IGFN1: variants seen among roughly 807,000 people sequenced by gnomAD.
IGFN1 encodes immunoglobulin-like and fibronectin type III domain-containing protein 1.
A neutral mutation model predicts 289.5 loss-of-function variants in IGFN1; 253 were observed. That is an observed-to-expected ratio of 0.87 (90% CI 0.79 to 0.97). The LOEUF is 0.97. Ranked by LOEUF, IGFN1 falls within the 50% of genes least tolerant of loss-of-function variation. IGFN1 has a pLI of 0.00. For missense variants in IGFN1, 4,470 were observed against 4,686.1 expected (o/e 0.95, Z 1.35); for synonymous variants, 1,706 against 1,788.5 (o/e 0.95, Z 1.16).
At chr1:201,217,558 C>A in intron 17 of IGFN1, 98 bp downstream of exon 17, 2 of 1,303,792 alleles carry the variant, frequency 1.5e-6, no homozygotes, top group Non-Finnish European at 2.1e-6. Flanking sequence ...CAGTCGTTCT[C>A]GTCTAGGGTG....
chr1:201,194,136 C>T lies in IGFN1; in HGVS notation c.8-18C>T, dbSNP rs1220558810. 20 of 1,550,888 alleles carry T rather than the reference C, an allele frequency of 1.3e-5. No individual in the cohort carries two copies. Among genetic ancestry groups the T allele is most frequent in the South Asian group, 1.2e-5 (1 of 83,984 alleles). On this transcript the variant is annotated intron_variant, in intron 2 of 23. Coordinates refer to ENST00000335211, the MANE Select transcript of IGFN1 (RefSeq NM_001164586.2). The stretch of plus-strand genomic sequence containing the variant: ...AGAAGGTGGAAGGCCCCATCTCCTT[C>T]CCTCCTGCATTCTCCAGGAAAGCTC...
In IGFN1 at chr1:201,206,357, G is replaced by A; in HGVS notation, c.1464G>A (p.Glu488=). The change falls in exon 12 of 24, where the codon GAG becomes GAA. Residue 488 remains glutamate (E), a synonymous_variant. Coordinates refer to ENST00000335211, the MANE Select transcript of IGFN1 (RefSeq NM_001164586.2). ...TADSAWGPGQ[E]GEGFPVAEGS... is the part of the protein sequence containing the mutation. Reference sequence around the variant, plus strand: ...ACTCAGCCTGGGGCCCTGGACAGGAGGGCGAGGGCTTTCCAGTAGCAGAGG... The same window carrying A: ...ACTCAGCCTGGGGCCCTGGACAGGAAGGCGAGGGCTTTCCAGTAGCAGAGG... 2 of 1,550,516 alleles carry A rather than the reference G, an allele frequency of 1.3e-6. No homozygotes were observed. Among genetic ancestry groups the A allele is most frequent in the East Asian group, 4.9e-5 (2 of 40,924 alleles).
At chr1:201,218,147 G>C (rs1257977099) in intron 17 of IGFN1, among the ~76,000 whole-genome samples, 2 of 152,232 alleles carry the variant, frequency 1.3e-5, no homozygotes, top group Non-Finnish European at 2.9e-5. Flanking sequence ...TGCTACTTAG[G>C]AGCTGAGGCC....
Position 201,212,612 on chromosome 1 carries a change from A to G in IGFN1, c.7719A>G (p.Ala2573=). The G allele has an allele frequency of 6.5e-7, 1 of 1,544,960 alleles. No individual in the cohort carries two copies. The highest frequency in any genetic ancestry group is 1.2e-5 in the South Asian group (1 of 83,004). The stretch of plus-strand genomic sequence containing the variant: ...GAGTTGCTGGCCAGGGGGGGTTGGC[A>G]TCTCAGGGAGGTGGGGACTCACTTT... The part of the protein sequence containing the change: ...RGRVAGQGGL[A]SQGGGDSLLG... The change falls in exon 12 of 24, where the codon GCA becomes GCG. Residue 2573 remains alanine, a synonymous_variant. Coordinates refer to ENST00000335211, the MANE Select transcript of IGFN1 (RefSeq NM_001164586.2).
At chr1:201,193,072 G>A (rs1306117244) in intron 1 of IGFN1, among the ~76,000 whole-genome samples, 175 bp from the exon 2 acceptor site, 1 of 152,128 alleles carries the variant, frequency 6.6e-6, no homozygotes, top group Non-Finnish European at 1.5e-5. Flanking sequence ...TGGTTTTGCT[G>A]GGGACAGGGA....
intron 15 of IGFN1, 73 bp from the exon 16 acceptor site, chr1:201,216,381 T>C: frequency 3.3e-6 from 4 of 1,209,654 alleles, no homozygotes; most frequent in Non-Finnish European, 2.2e-6. Context: ...GGCGGGGAGT[T>C]GGGGGGGTTG....
chr1:201,205,450 C>A, intron 11 of IGFN1, 96 bp downstream of exon 11: 4 of 1,318,450 alleles, frequency 3.0e-6, no homozygotes, highest in South Asian at 3.1e-5. Context: ...TTCCTTTGGT[C>A]AGAGAGAATA....
intron 12 of IGFN1, 81 bp from the exon 13 acceptor site, chr1:201,214,096 G>T (rs1449783710): frequency 1.4e-6 from 2 of 1,419,778 alleles, no homozygotes; most frequent in South Asian, 2.9e-5. Context: ...CAGTTGGCAG[G>T]ACCATGGTGG....
chr1:201,202,726 TC>T (rs1558137430), intron 9 of IGFN1, among the ~76,000 whole-genome samples: 1,329 of 65,730 alleles, frequency 0.02, 24 homozygotes, highest in Non-Finnish European at 0.027. Context: ...CCTCCCTCCC[TC>T]CCTCCCTCCC....
At chr1:201,224,964 C>A in intron 21 of IGFN1, 90 bp downstream of exon 21, 2 of 920,966 alleles carry the variant, frequency 2.2e-6, no homozygotes, top group Non-Finnish European at 3.2e-6. Context: ...TAGGTCTCAG[C>A]CACTCTACCA....
rs772644113 is a variant in IGFN1 at position 201,216,524 on chromosome 1, G to A, written c.9366G>A (p.Trp3122Ter). 2.6e-5 allele frequency: 42 copies of A among 1,606,832 alleles called. No homozygotes were observed. In the South Asian group the frequency reaches 4.6e-4, roughly 18 times the overall value. Reference sequence around the variant, plus strand: ...ATAGGGCTGGCGTCTGCCTCCGCTGGCGGCCCCCAAGGGACAATGGGGGCC... The same window carrying A: ...ATAGGGCTGGCGTCTGCCTCCGCTGACGGCCCCCAAGGGACAATGGGGGCC... ...DCHRAGVCLR[W>*]RPPRDNGGRT... is the part of the protein sequence containing the mutation. Residue 3122 changes from tryptophan (W) to a stop codon, truncating the protein, a stop_gained, in exon 16 of 24, where the codon TGG becomes TGA. Transcript: ENST00000335211. LOFTEE classifies it high-confidence loss of function.
intron 8 of IGFN1, among the ~76,000 whole-genome samples, chr1:201,201,111 G>A (rs572480282): frequency 1.8e-4 from 28 of 152,234 alleles, no homozygotes; most frequent in South Asian, 4.2e-4. Context: ...GATTACAGGC[G>A]TGAGCCACCG....
Position 201,194,289 on chromosome 1 carries a change from A to G in IGFN1, c.127+16A>G. 6.4e-7 allele frequency: 1 copy of G among 1,550,542 alleles called. No individual in the cohort carries two copies. Among genetic ancestry groups the G allele is most frequent in the Non-Finnish European group, 8.7e-7 (1 of 1,146,536 alleles). On this transcript the variant is annotated intron_variant, in intron 3 of 23. Transcript: ENST00000335211. ...CTGCCAGAGGGTGAGCCCAGAGGGGAGCTGCGGAGGGGAGGCAAGATTCTT... is the reference window on the plus strand; with the variant it reads ...CTGCCAGAGGGTGAGCCCAGAGGGGGGCTGCGGAGGGGAGGCAAGATTCTT...
Position 201,200,129 on chromosome 1 carries a change from G to A in IGFN1, c.459-108G>A, listed in dbSNP as rs947679322. The A allele has an allele frequency of 3.8e-5, 32 of 841,888 alleles. No homozygotes were observed. The East Asian group carries it at 6.4e-4, about 17-fold the overall frequency. The allele number at this position is 841,888 out of a possible 1,614,324, so 52.2% of individuals were successfully genotyped here. On this transcript the variant is annotated intron_variant, in intron 7 of 23. Transcript: ENST00000335211. ...GAGATTCCAGGCTCTGCGTTTCCTCGAGTGCAGATAGAGCAGCTTCCCAGA... is the reference window on the plus strand; with the variant it reads ...GAGATTCCAGGCTCTGCGTTTCCTCAAGTGCAGATAGAGCAGCTTCCCAGA...
At position 201,209,173 on chromosome 1, in the gene IGFN1, A is replaced by T. The variant is rs2102339188; in HGVS notation, c.4280A>T (p.Asp1427Val). The change falls in exon 12 of 24, where the codon GAT (aspartate) becomes GTT (valine). Residue 1427 changes from aspartate (D) to valine (V), a missense_variant. By Grantham distance (152) the Asp-to-Val change is radical. This residue lies in a region of IGFN1 where 2,011 missense variants were observed against 1,953.4 expected (regional missense o/e 1.03). Transcript: ENST00000335211. The stretch of plus-strand genomic sequence containing the variant: ...GAAATGGGGTCAGGTTATAGGGAGG[A>T]TTTGGGGGCTCCTGAGGGAATGGGC... The part of the protein sequence containing the change: ...YGEMGSGYRE[D>V]LGAPEGMGTG... The T allele has an allele frequency of 6.6e-7, 1 of 1,505,564 alleles. No individual in the cohort carries two copies. Among genetic ancestry groups the T allele is most frequent in the East Asian group, 2.5e-5 (1 of 40,648 alleles). 93.3% of individuals were successfully genotyped at this position (1,505,564 alleles called of 1,614,324 possible).
In IGFN1 at chr1:201,213,219, G is replaced by A. The variant is rs367881774; in HGVS notation, c.8326G>A (p.Gly2776Arg). ...ACAGAGAGGAGGAAAGAGGTCCCTC[G>A]GGGAGCAGGGGTCCCTGGAGGCTGA... ...KGQRGGKRSL[G>R]EQGSLEAENG... Residue 2776 changes from glycine to arginine, a missense_variant, in exon 12 of 24, where the codon GGG becomes AGG. Coordinates refer to ENST00000335211, the MANE Select transcript of IGFN1 (RefSeq NM_001164586.2). The A allele has an allele frequency of 7.9e-5, 122 of 1,551,506 alleles. No homozygotes were observed. The highest frequency in any genetic ancestry group is 1.0e-4 in the Non-Finnish European group (117 of 1,146,972).
intron 16 of IGFN1, 131 bp from the exon 17 acceptor site, chr1:201,217,156 G>T (rs1553267220): frequency 3.8e-6 from 3 of 793,740 alleles, no homozygotes; most frequent in Non-Finnish European, 6.1e-6. Context: ...GGCTGCCTCA[G>T]CCCCGACACT....
At chr1:201,223,994 T>C (rs1367756036) in intron 20 of IGFN1, among the ~76,000 whole-genome samples, 1 of 152,196 alleles carries the variant, frequency 6.6e-6, no homozygotes, top group Non-Finnish European at 1.5e-5. Flanking sequence ...TCTCTCTGCT[T>C]TCCGTGTATT....
At chr1:201,227,289 G>T (rs559879150) in intron 23 of IGFN1, 81 bp downstream of exon 23, 53 of 1,122,408 alleles carry the variant, frequency 4.7e-5, no homozygotes, top group Non-Finnish European at 6.0e-5. Context: ...GCTCCGGGGG[G>T]TGCCTAGAGG....
Sources: allele counts gnomAD v4.1 joint callset (sites outside exome capture counted in the v4.1 genomes callset), GRCh38; gene constraint gnomAD v4.1.1; regional missense constraint gnomAD v4.1.1; transcripts MANE v1.5; gene names NCBI Gene and HGNC (gene_info 2026-07-23, HGNC 2026-07-21).